The following DLG2 variants were observed in gnomAD, a reference collection of about 807,000 sequenced individuals.
The protein encoded by DLG2 is disks large homolog 2.
Under a neutral mutation model 132.5 loss-of-function variants are expected in DLG2, and 45 were observed. That is an observed-to-expected ratio of 0.34 (90% CI 0.27 to 0.44). The LOEUF (loss-of-function observed/expected upper bound fraction) is 0.44. DLG2 is among the 20% of genes least tolerant of loss of function. The pLI, the probability that DLG2 is intolerant of heterozygous loss-of-function variation, is 1.00. For synonymous variants in DLG2, 424 were observed against 419.6 expected (o/e 1.01, Z -0.13); for missense variants, 1,045 against 1,196.9 (o/e 0.87, Z 1.87).
chr11:84,563,352 A>G (rs1565310982), intron 6 of DLG2, among the ~76,000 whole-genome samples: 1 of 152,226 alleles, frequency 6.6e-6, no homozygotes. Context: ...GTTTATGTTT[A>G]CCATAAATGT....
rs375235458 is a variant in DLG2 at position 85,610,374 on chromosome 11, C to T, written c.-92-11586G>A. The stretch of plus-strand genomic sequence containing the variant: ...TCCAGTTGTACCCAACCCCTATACC[C>T]TGCTCTCTCAAATATCAGAGGAAGC... On this transcript the variant is annotated intron_variant, in intron 2 of 27. Coordinates refer to ENST00000376104, the MANE Select transcript of DLG2 (RefSeq NM_001142699.3). Among the ~76,000 whole-genome samples the T allele has an allele frequency of 7.0e-4, 106 of 152,304 alleles. 1 individual carries two copies. The highest frequency in any genetic ancestry group is 2.5e-3 in the African/African-American group (105 of 41,554).
chr11:84,954,214 G>C (rs2051325133), intron 6 of DLG2, among the ~76,000 whole-genome samples: 1 of 151,852 alleles, frequency 6.6e-6, no homozygotes, highest in Admixed American at 6.6e-5. Flanking sequence ...CTCTGCATTG[G>C]ACTCTCCTCT....
intron 6 of DLG2, among the ~76,000 whole-genome samples, chr11:84,549,769 T>C (rs1436482132): frequency 6.6e-6 from 1 of 152,110 alleles, no homozygotes; most frequent in Non-Finnish European, 1.5e-5. Flanking sequence ...TTTGTTTGTT[T>C]TTGAGATGGA....
At chr11:84,416,439 T>C (rs1226891500) in intron 7 of DLG2, among the ~76,000 whole-genome samples, 2 of 152,204 alleles carry the variant, frequency 1.3e-5, no homozygotes, top group East Asian at 3.8e-4. Flanking sequence ...AGCACAGTAA[T>C]TTAAAACAAC....
intron 6 of DLG2, among the ~76,000 whole-genome samples, chr11:85,040,281 C>T (rs78889324): frequency 0.02 from 2,992 of 151,910 alleles, 54 homozygotes; most frequent in Admixed American, 0.042. Context: ...CAAAACACAA[C>T]GAAGTAATCC....
intron 6 of DLG2, among the ~76,000 whole-genome samples, chr11:84,791,740 A>G (rs2073876168): frequency 6.6e-6 from 1 of 152,106 alleles, no homozygotes; most frequent in Admixed American, 6.6e-5. Context: ...CTGATTGTTC[A>G]GTGTTGCCAT....
intron 18 of DLG2, among the ~76,000 whole-genome samples, chr11:83,658,811 T>C (rs1327569773): frequency 6.6e-6 from 1 of 152,238 alleles, no homozygotes; most frequent in African/African-American, 2.4e-5. Context: ...CATCACTCTT[T>C]CTAGTATTGA....
Position 83,633,233 on chromosome 11 carries a change from G to C in DLG2, c.1918C>G (p.Gln640Glu). The C allele has an allele frequency of 6.2e-7, 1 of 1,613,694 alleles. No individual in the cohort carries two copies. The highest frequency in any genetic ancestry group is 8.5e-7 in the Non-Finnish European group (1 of 1,179,732). Residue 640 changes from glutamine to glutamate, a missense_variant, in exon 19 of 28, where the codon CAG becomes GAG. Transcript: ENST00000376104. ...SSGSGSLRTN[Q>E]KRSLYVRAMF... ...TACCTGACGTAGAGGGAGCGTTTCT[G>C]ATTGGTTCGCAGGGATCCGGACCCG...
intron 18 of DLG2, among the ~76,000 whole-genome samples, chr11:83,689,859 C>T (rs2080532698): frequency 6.8e-6 from 1 of 147,904 alleles, no homozygotes; most frequent in African/African-American, 2.5e-5. Flanking sequence ...TGCATACTCA[C>T]CCATTATCTT....
intron 10 of DLG2, among the ~76,000 whole-genome samples, chr11:84,091,185 G>A (rs1016380011): frequency 6.6e-6 from 1 of 152,156 alleles, no homozygotes; most frequent in Non-Finnish European, 1.5e-5. Flanking sequence ...TACCCGAAAA[G>A]TTCTATTTAA....
intron 6 of DLG2, among the ~76,000 whole-genome samples, chr11:84,733,423 G>A (rs1038859630): frequency 2.6e-5 from 4 of 152,122 alleles, no homozygotes; most frequent in African/African-American, 9.7e-5. Context: ...GTGTCTGTTG[G>A]CTGCATAAAT....
chr11:84,641,014 TAAAC>T (rs1020222353), intron 6 of DLG2, among the ~76,000 whole-genome samples: 4 of 148,000 alleles, frequency 2.7e-5, no homozygotes, highest in African/African-American at 2.5e-5. Context: ...ATTTAAAAAA[TAAAC>T]AAAATTTTTA....
chr11:84,761,796 G>T (rs2067664008), intron 6 of DLG2, among the ~76,000 whole-genome samples: 1 of 152,096 alleles, frequency 6.6e-6, no homozygotes, highest in African/African-American at 2.4e-5. Context: ...CTTGCAGAGG[G>T]CCTATTCTGG....
At chr11:84,308,399 C>T (rs1294910950) in intron 7 of DLG2, among the ~76,000 whole-genome samples, 1 of 152,190 alleles carries the variant, frequency 6.6e-6, no homozygotes, top group East Asian at 1.9e-4. Flanking sequence ...GAGCTAGATA[C>T]ATAGTGCCCA....
Position 84,271,617 on chromosome 11 carries a change from T to C in DLG2, c.520-20326A>G, listed in dbSNP as rs1014295883. Among the ~76,000 whole-genome samples, 4 of 152,202 alleles carry C rather than the reference T, an allele frequency of 2.6e-5. No individual in the cohort carries two copies. In the East Asian group the frequency reaches 7.7e-4, roughly 29 times the overall value. ...GTTGATTTAGTCATTCCTCACTTGC[T>C]CACCAAGCACTCTTTATGTGCCAGG... On this transcript the variant is annotated intron_variant, in intron 7 of 27. Transcript: ENST00000376104.
At chr11:84,001,434 G>C (rs926959262) in intron 11 of DLG2, among the ~76,000 whole-genome samples, 2 of 151,792 alleles carry the variant, frequency 1.3e-5, no homozygotes, top group Non-Finnish European at 2.9e-5. Context: ...CCCAGCACTG[G>C]ATCACCCAGA....
intron 2 of DLG2, among the ~76,000 whole-genome samples, chr11:85,620,812 TA>T (rs1264922901): frequency 6.6e-6 from 1 of 152,158 alleles, no homozygotes; most frequent in African/African-American, 2.4e-5. Flanking sequence ...CTTTACAACA[TA>T]AAAGTGCAAG....
intron 8 of DLG2, among the ~76,000 whole-genome samples, chr11:84,183,086 A>T (rs1271076352): frequency 6.6e-6 from 1 of 152,194 alleles, no homozygotes; most frequent in Non-Finnish European, 1.5e-5. Context: ...GAAGAAATTG[A>T]ATCAATAATT....
intron 18 of DLG2, among the ~76,000 whole-genome samples, chr11:83,756,136 C>A (rs1159897839): frequency 2.0e-5 from 3 of 151,134 alleles, no homozygotes. Context: ...ACCACACCCT[C>A]AGTATTAGAA....
Sources: gnomAD v4.1 joint callset for allele counts (sites outside exome capture counted in the v4.1 genomes callset) on GRCh38, gnomAD v4.1.1 for gene constraint, MANE v1.5 for transcripts, NCBI Gene and HGNC (gene_info 2026-07-23, HGNC 2026-07-21) for gene names.